Variants in ZNF462 observed in about 807,000 individuals in gnomAD.
ZNF462 encodes the protein zinc finger protein 462.
Under a neutral mutation model 201.9 loss-of-function variants are expected in ZNF462, and 10 were observed. The ratio of observed to expected loss-of-function variants is 0.05; its 90% CI spans 0.03 to 0.08. The LOEUF is 0.08. Among genes scored for constraint, ZNF462 ranks in the 10% least tolerant of loss-of-function variants. The pLI is 1.00. For synonymous variants in ZNF462, 1,227 were observed against 1,193.3 expected (o/e 1.03, Z -0.58); for missense variants, 2,523 against 3,168.3 (o/e 0.80, Z 4.89).
At position 106,876,713 on chromosome 9, in the gene ZNF462, T is replaced by C. The variant is rs964188701; in HGVS notation, c.-31+13358T>C. ...TCCCTGGAGTGTTGTAGGGGAACAA[T>C]TTTTAATAAACATGAAGTTTTCTGA... On this transcript the variant is annotated intron_variant, in intron 1 of 12. Coordinates refer to ENST00000277225, the MANE Select transcript of ZNF462 (RefSeq NM_021224.6). The surrounding 1 kb of genome is among the most constrained non-coding windows in gnomAD (Gnocchi z 4.9). Among the ~76,000 whole-genome samples the C allele has an allele frequency of 4.6e-5, 7 of 152,220 alleles. No homozygotes were observed. The highest frequency in any genetic ancestry group is 1.2e-4 in the African/African-American group (5 of 41,466).
upstream of ZNF462, among the ~76,000 whole-genome samples, chr9:106,861,946 T>C (rs1400528548): frequency 1.3e-5 from 2 of 152,196 alleles, no homozygotes; most frequent in Admixed American, 1.3e-4. Context: ...AACGCGGGGC[T>C]GGAGGGTGTA....
At chr9:106,961,421 G>C (rs898812129) in intron 7 of ZNF462, among the ~76,000 whole-genome samples, 3 of 152,126 alleles carry the variant, frequency 2.0e-5, no homozygotes, top group Admixed American at 2.0e-4. Context: ...ACATGGTTCA[G>C]TGTTTCAGTG....
intron 1 of ZNF462, among the ~76,000 whole-genome samples, chr9:106,892,486 T>A (rs1006062364): frequency 1.3e-5 from 2 of 151,856 alleles, no homozygotes; most frequent in Non-Finnish European, 2.9e-5. Context: ...ATGGCTCATC[T>A]AAGAGTTCTT....
At chr9:106,921,507 A>T (rs1251374652) in intron 1 of ZNF462, among the ~76,000 whole-genome samples, 1 of 152,182 alleles carries the variant, frequency 6.6e-6, no homozygotes, top group Non-Finnish European at 1.5e-5. Flanking sequence ...CTGCCCCTAA[A>T]GCTCAGAGGA....
In ZNF462 at chr9:107,012,730, T is replaced by TC. The variant is rs397976376; in HGVS notation, c.*1700_*1701insC. On this transcript the variant is annotated 3_prime_UTR_variant, in exon 13 of 13. Transcript: ENST00000277225. Reference sequence around the variant, plus strand: ...TTTCATGTTTTTTTTTTTTTTTTTTTACTTGGAAGGGTTGTGGGAGGGTGG... The same window carrying TC: ...TTTCATGTTTTTTTTTTTTTTTTTTTCACTTGGAAGGGTTGTGGGAGGGTGG... 2.7e-5 allele frequency: 3 copies of TC among 111,616 alleles called. No homozygotes were observed. The highest frequency in any genetic ancestry group is 5.5e-5 in the Non-Finnish European group (3 of 54,500). 6.9% of individuals were successfully genotyped at this position (111,616 alleles called of 1,614,324 possible). A position where few individuals can be genotyped will look rare whatever the true frequency, so the allele number is the denominator to read the frequency against.
At chr9:106,878,573 A>G (rs1214937652) in intron 1 of ZNF462, among the ~76,000 whole-genome samples, 2 of 152,188 alleles carry the variant, frequency 1.3e-5, no homozygotes, top group Non-Finnish European at 2.9e-5. Context: ...TAGGTGGTCA[A>G]ACCCAGGGGA....
At chr9:106,987,070 T>G (rs567714391) in intron 10 of ZNF462, among the ~76,000 whole-genome samples, 1 of 152,308 alleles carries the variant, frequency 6.6e-6, no homozygotes, top group South Asian at 2.1e-4. Flanking sequence ...TGTTGACTGA[T>G]GGGCATTTGG....
intron 10 of ZNF462, among the ~76,000 whole-genome samples, chr9:107,002,948 T>C (rs1420563087): frequency 3.9e-5 from 6 of 152,184 alleles, no homozygotes; most frequent in African/African-American, 1.4e-4. Context: ...GTTACACCTT[T>C]GAATTCAACT....
At chr9:106,937,199 C>A (rs2131599499) in intron 6 of ZNF462, among the ~76,000 whole-genome samples, 1 of 152,042 alleles carries the variant, frequency 6.6e-6, no homozygotes, top group East Asian at 1.9e-4. Context: ...TTCACACAAC[C>A]AAGCTTGCAT....
chr9:106,949,478 A>G (rs948915206), intron 7 of ZNF462, among the ~76,000 whole-genome samples: 1 of 152,196 alleles, frequency 6.6e-6, no homozygotes, highest in African/African-American at 2.4e-5. Flanking sequence ...CTTTTCATGC[A>G]TCATTCCCTT....
At position 106,864,086 on chromosome 9, in the gene ZNF462, CTCTCTCTCTCTCTCTCTCTCT is replaced by C. The variant is rs1564062624; in HGVS notation, c.-31+732_-31+752del. ...TCTCTCTCTCTCTCTCTCTCTCTCT[CTCTCTCTCTCTCTCTCTCTCT>C]CTCCCTCTCCCCGAAGTTGGGATGC... On this transcript the variant is annotated intron_variant, in intron 1 of 12. Coordinates refer to ENST00000277225, the MANE Select transcript of ZNF462 (RefSeq NM_021224.6). Among the ~76,000 whole-genome samples, 233 of 134,754 alleles carry C rather than the reference CTCTCTCTCTCTCTCTCTCTCT, an allele frequency of 1.7e-3. 7 individuals are homozygous for C. The highest frequency in any genetic ancestry group is 2.1e-3 in the Non-Finnish European group (126 of 60,500). The allele number at this position is 134,754 out of a possible 152,430, so 88.4% of individuals were successfully genotyped here.
upstream of ZNF462, among the ~76,000 whole-genome samples, chr9:106,862,386 G>T (rs1827094520): frequency 6.6e-6 from 1 of 152,224 alleles, no homozygotes; most frequent in Middle Eastern, 3.4e-3. The surrounding 1 kb of genome is among the most constrained non-coding windows in gnomAD (Gnocchi z 4.2). Context: ...GCCGGGCAGG[G>T]TCCTCACCGG....
intron 7 of ZNF462, among the ~76,000 whole-genome samples, chr9:106,944,890 C>T (rs974253168): frequency 2.6e-5 from 4 of 152,184 alleles, no homozygotes; most frequent in African/African-American, 9.6e-5. Flanking sequence ...GTAGGTTATG[C>T]AGTCTCTGTC....
intron 7 of ZNF462, among the ~76,000 whole-genome samples, chr9:106,949,823 G>T (rs1457331076): frequency 6.6e-6 from 1 of 152,130 alleles, no homozygotes; most frequent in East Asian, 1.9e-4. Context: ...AGACTCAATG[G>T]TAATAACTCA....
At chr9:106,958,983 A>G (rs1267005596) in intron 7 of ZNF462, among the ~76,000 whole-genome samples, 1 of 152,128 alleles carries the variant, frequency 6.6e-6, no homozygotes, top group Non-Finnish European at 1.5e-5. Flanking sequence ...CCCCAGAATC[A>G]TTGCCAGGAA....
chr9:107,010,977 G>T lies in ZNF462; in HGVS notation c.7468G>T (p.Val2490Leu). Residue 2490 changes from valine (V) to leucine (L), a missense_variant, in exon 13 of 13, where the codon GTA becomes TTA. Coordinates refer to ENST00000277225, the MANE Select transcript of ZNF462 (RefSeq NM_021224.6). This position sits in a 1 kb window ranked among gnomAD's most constrained non-coding sequence, Gnocchi z 4.6. Reference sequence around the variant, plus strand: ...AAAGAATGAAACAGTAGCCATCTGTGTAGTAACTGCCGACAAATCTCTCCT... The same window carrying T: ...AAAGAATGAAACAGTAGCCATCTGTTTAGTAACTGCCGACAAATCTCTCCT... ...SLKNETVAIC[V>L]VTADKSLLEN... 2 of 1,613,792 alleles carry T rather than the reference G, an allele frequency of 1.2e-6. No individual in the cohort carries two copies. Among genetic ancestry groups the T allele is most frequent in the Non-Finnish European group, 1.7e-6 (2 of 1,179,894 alleles).
Position 106,981,864 on chromosome 9 carries a change from G to A in ZNF462, c.6833-2322G>A, listed in dbSNP as rs191970053. Among the ~76,000 whole-genome samples, 1 of 152,310 alleles carries A rather than the reference G, an allele frequency of 6.6e-6. No individual in the cohort carries two copies. The highest frequency in any genetic ancestry group is 1.5e-5 in the Non-Finnish European group (1 of 68,032). ...ATCATTATATGAAAAATGATACCGG[G>A]CTGTTCTTCTTCACCGTAGAGGTCA... On this transcript the variant is annotated intron_variant, in intron 9 of 12. Transcript: ENST00000277225. The surrounding 1 kb of genome is among the most constrained non-coding windows in gnomAD (Gnocchi z 4.0).
intron 7 of ZNF462, among the ~76,000 whole-genome samples, chr9:106,959,081 A>C (rs1266744754): frequency 1.3e-5 from 2 of 152,098 alleles, no homozygotes; most frequent in African/African-American, 2.4e-5. Flanking sequence ...ATTGTTAACT[A>C]ACAAAATAGG....
chr9:106,975,429 TACTC>T (rs1826925240), intron 9 of ZNF462: 1 of 152,244 alleles, frequency 6.6e-6, no homozygotes. Flanking sequence ...ATTTGTGACA[TACTC>T]ACCCATGTTC....
Sources: gnomAD v4.1 joint callset for allele counts (sites outside exome capture counted in the v4.1 genomes callset) on GRCh38, gnomAD v4.1.1 for gene constraint, Gnocchi (gnomAD v3.1) non-coding constraint, MANE v1.5 for transcripts, NCBI Gene and HGNC (gene_info 2026-07-23, HGNC 2026-07-21) for gene names.